The following TRIM44 variants were observed in gnomAD, a reference collection of about 807,000 sequenced individuals.
TRIM44 encodes the protein tripartite motif-containing protein 44.
Under a neutral mutation model 37.4 loss-of-function variants are expected in TRIM44, and 13 were observed. The observed-to-expected ratio is 0.35, with a 90% CI of 0.23 to 0.55. The LOEUF is 0.55. Among genes scored for constraint, TRIM44 ranks in the 20% least tolerant of loss-of-function variants. TRIM44 has a pLI of 0.89. For missense variants in TRIM44, 426 were observed against 437.2 expected (o/e 0.97, Z 0.23); for synonymous variants, 175 against 157.2 (o/e 1.11, Z -0.85).
rs952496497 is a variant in TRIM44 at position 35,700,192 on chromosome 11, C to A, written c.747+14856C>A. Among the ~76,000 whole-genome samples, 4 of 152,132 alleles carry A rather than the reference C, an allele frequency of 2.6e-5. No individual in the cohort carries two copies. The South Asian group carries it at 8.3e-4, about 32-fold the overall frequency. On this transcript the variant is annotated intron_variant, in intron 2 of 4. Coordinates refer to ENST00000299413, the MANE Select transcript of TRIM44 (RefSeq NM_017583.6). Reference sequence around the variant, plus strand: ...TACTAATTTTTGTTTAAGAGCAGATCAGTGCTTTAAGTGCTTAAGAAAACC... The same window carrying A: ...TACTAATTTTTGTTTAAGAGCAGATAAGTGCTTTAAGTGCTTAAGAAAACC...
At chr11:35,723,884 G>A (rs1852137635) in intron 2 of TRIM44, among the ~76,000 whole-genome samples, 1 of 152,092 alleles carries the variant, frequency 6.6e-6, no homozygotes, top group Admixed American at 6.5e-5. Context: ...ATTTATTTCA[G>A]GAGTAGAGAT....
chr11:35,767,775 C>T (rs139864296), intron 4 of TRIM44, among the ~76,000 whole-genome samples: 7 of 152,292 alleles, frequency 4.6e-5, no homozygotes, highest in Admixed American at 2.6e-4. Flanking sequence ...TACTTAACCT[C>T]TGTGAACTTT....
chr11:35,681,525 C>CAGGA (rs1187691870), intron 1 of TRIM44, among the ~76,000 whole-genome samples: 5 of 152,228 alleles, frequency 3.3e-5, no homozygotes, highest in Non-Finnish European at 7.4e-5. Context: ...TCACATTGAA[C>CAGGA]TCCTGTGTTC....
chr11:35,749,294 A>T (rs569683405), intron 4 of TRIM44, among the ~76,000 whole-genome samples: 2 of 152,330 alleles, frequency 1.3e-5, no homozygotes, highest in Admixed American at 1.3e-4. Flanking sequence ...TTTTAAGGAG[A>T]CTCATTAATC....
In TRIM44 at chr11:35,665,335, T is replaced by G. The variant is rs1024237169; in HGVS notation, c.669+1555T>G. On this transcript the variant is annotated intron_variant, in intron 1 of 4. Transcript: ENST00000299413. ...TATTTTCCAGAGTGGTTGTACCAGT[T>G]TGAATCACTATGAAGAGTATATGAG... 2.6e-5 allele frequency among the ~76,000 whole-genome samples: 4 copies of G among 152,290 alleles called. No homozygotes were observed. The East Asian group carries it at 7.7e-4, about 29-fold the overall frequency.
In TRIM44 at chr11:35,816,284, A is replaced by C. The variant is rs1853579643; in HGVS notation, c.*9899A>C. 1 of 152,230 alleles carries C rather than the reference A, an allele frequency of 6.6e-6. No homozygotes were observed. The highest frequency in any genetic ancestry group is 2.1e-4 in the South Asian group (1 of 4,834). The allele number at this position is 152,230 out of a possible 1,614,324, so 9.4% of individuals were successfully genotyped here. A position where few individuals can be genotyped will look rare whatever the true frequency, so the allele number is the denominator to read the frequency against. On this transcript the variant is annotated 3_prime_UTR_variant, in exon 5 of 5. Coordinates refer to ENST00000299413, the MANE Select transcript of TRIM44 (RefSeq NM_017583.6). ...AAAAAAACAGCTGAGACTGTTTCAC[A>C]GAAGAGAAAATAAATAAGGTGTGGT...
At chr11:35,738,340 A>G (rs1323856) in intron 4 of TRIM44, among the ~76,000 whole-genome samples, 20,987 of 151,012 alleles carry the variant, frequency 0.14, 1,555 homozygotes, top group African/African-American at 0.19. Context: ...CATTTTGACA[A>G]GATAATGGAA....
intron 4 of TRIM44, among the ~76,000 whole-genome samples, chr11:35,806,108 A>T (rs1853444551): frequency 6.6e-6 from 1 of 152,148 alleles, no homozygotes; most frequent in South Asian, 2.1e-4. Flanking sequence ...TGCATTTTAT[A>T]TGTATTCTCT....
intron 2 of TRIM44, among the ~76,000 whole-genome samples, chr11:35,711,401 C>G (rs1851970303): frequency 6.6e-6 from 1 of 151,540 alleles, no homozygotes; most frequent in African/African-American, 2.4e-5. Flanking sequence ...AGGAATTGCC[C>G]TATCAGCTCA....
intron 4 of TRIM44, among the ~76,000 whole-genome samples, chr11:35,804,048 T>G (rs1853407417): frequency 6.6e-6 from 1 of 152,124 alleles, no homozygotes; most frequent in African/African-American, 2.4e-5. Flanking sequence ...CTACTAGGCT[T>G]TAAAGTCCTA....
In TRIM44 at chr11:35,814,663, C is replaced by G. The variant is rs1286488850; in HGVS notation, c.*8278C>G. The G allele has an allele frequency of 6.6e-6, 1 of 152,128 alleles. No homozygotes were observed. Among genetic ancestry groups the G allele is most frequent in the Non-Finnish European group, 1.5e-5 (1 of 68,018 alleles). The allele number at this position is 152,128 out of a possible 1,614,324, so 9.4% of individuals were successfully genotyped here. A position where few individuals can be genotyped will look rare whatever the true frequency, so the allele number is the denominator to read the frequency against. The stretch of plus-strand genomic sequence containing the variant: ...GAGATGGTCTAAATCAGCTGCATCC[C>G]ATTTGGTACCCAGGCAAGGATTTTT... On this transcript the variant is annotated 3_prime_UTR_variant, in exon 5 of 5. Coordinates refer to ENST00000299413, the MANE Select transcript of TRIM44 (RefSeq NM_017583.6).
intron 4 of TRIM44, among the ~76,000 whole-genome samples, chr11:35,776,104 T>G (rs1322321365): frequency 6.6e-6 from 1 of 152,126 alleles, no homozygotes; most frequent in East Asian, 1.9e-4. Context: ...GGTCCTGGAC[T>G]TTTTTTGGTT....
intron 4 of TRIM44, among the ~76,000 whole-genome samples, chr11:35,751,656 TA>T (rs1419419178): frequency 6.6e-6 from 1 of 152,222 alleles, no homozygotes; most frequent in African/African-American, 2.4e-5. Flanking sequence ...CGTAAAGTGC[TA>T]AACAAGTGAA....
rs141213043 is a variant in TRIM44, at chr11:35,733,665, C to T, written c.988-1761C>T. On this transcript the variant is annotated intron_variant, in intron 3 of 4. Coordinates refer to ENST00000299413, the MANE Select transcript of TRIM44 (RefSeq NM_017583.6). The stretch of plus-strand genomic sequence containing the variant: ...GCCCTTCTTATTCGACCTCAAATGG[C>T]TAGTTTGATTTAAATCACCTTTCTG... Among the ~76,000 whole-genome samples the T allele has an allele frequency of 1.8e-3, 278 of 152,194 alleles. 2 individuals are homozygous for T. The highest frequency in any genetic ancestry group is 6.4e-3 in the African/African-American group (267 of 41,520).
At position 35,811,864 on chromosome 11, in the gene TRIM44, A is replaced by G. The variant is rs991935241; in HGVS notation, c.*5479A>G. On this transcript the variant is annotated 3_prime_UTR_variant, in exon 5 of 5. Transcript: ENST00000299413. ...TGAGAAAATTGTCCAAGAGAGGGAG[A>G]TAAGTCACTCAAGGTCACCCAACAA... The G allele has an allele frequency of 2.0e-5, 3 of 152,154 alleles. No individual in the cohort carries two copies. Among genetic ancestry groups the G allele is most frequent in the Non-Finnish European group, 4.4e-5 (3 of 68,034 alleles). The allele number at this position is 152,154 out of a possible 1,614,324, so 9.4% of individuals were successfully genotyped here. A position where few individuals can be genotyped will look rare whatever the true frequency, so the allele number is the denominator to read the frequency against.
At chr11:35,675,572 G>A (rs1851451245) in intron 1 of TRIM44, among the ~76,000 whole-genome samples, 1 of 152,144 alleles carries the variant, frequency 6.6e-6, no homozygotes, top group South Asian at 2.1e-4. Context: ...GTTCATTTGA[G>A]ACGGAGTGGC....
At chr11:35,743,580 G>A (rs952767639) in intron 4 of TRIM44, among the ~76,000 whole-genome samples, 67 of 152,288 alleles carry the variant, frequency 4.4e-4, no homozygotes, top group African/African-American at 1.6e-3. Flanking sequence ...GTTGTAGAAG[G>A]GAATTGTCTA....
At chr11:35,757,968 A>G (rs1009327062) in intron 4 of TRIM44, among the ~76,000 whole-genome samples, 3 of 152,166 alleles carry the variant, frequency 2.0e-5, no homozygotes, top group Admixed American at 2.0e-4. Context: ...AAAAGAATGT[A>G]TATTCTGTTG....
Position 35,817,774 on chromosome 11 carries a change from A to C in TRIM44, c.*11389A>C, listed in dbSNP as rs1565051344. 6.6e-6 allele frequency: 1 copy of C among 152,102 alleles called. No individual in the cohort carries two copies. The highest frequency in any genetic ancestry group is 1.5e-5 in the Non-Finnish European group (1 of 68,044). 9.4% of individuals were successfully genotyped at this position (152,102 alleles called of 1,614,324 possible). A position where few individuals can be genotyped will look rare whatever the true frequency, so the allele number is the denominator to read the frequency against. ...GGGAGTTTTCTCATGATTTAACAACATCCGCCCTTTGTTGTCATGATAGTG... is the reference window on the plus strand; with the variant it reads ...GGGAGTTTTCTCATGATTTAACAACCTCCGCCCTTTGTTGTCATGATAGTG... On this transcript the variant is annotated 3_prime_UTR_variant, in exon 5 of 5. Transcript: ENST00000299413.
Sources: allele counts gnomAD v4.1 joint callset (sites outside exome capture counted in the v4.1 genomes callset), GRCh38; gene constraint gnomAD v4.1.1; transcripts MANE v1.5; gene names NCBI Gene and HGNC (gene_info 2026-07-23, HGNC 2026-07-21).